CTSV: variants seen among roughly 807,000 people sequenced by gnomAD.
CTSV encodes cathepsin V.
Under a neutral mutation model 35.6 loss-of-function variants are expected in CTSV, and 33 were observed. That is an observed-to-expected ratio of 0.93 (90% CI 0.70 to 1.24). The LOEUF (loss-of-function observed/expected upper bound fraction) is 1.24. Ranked by LOEUF, CTSV falls within the 50% of genes most tolerant of loss-of-function variation. The pLI, the probability that CTSV is intolerant of heterozygous loss-of-function variation, is 0.00. For synonymous variants in CTSV, 154 were observed against 147.1 expected (o/e 1.05, Z -0.34); for missense variants, 408 against 413.1 (o/e 0.99, Z 0.11).
intron 5 of CTSV, 30 bp from the exon 6 acceptor site, chr9:97,035,723 T>C: frequency 7.2e-7 from 1 of 1,386,950 alleles, no homozygotes; most frequent in South Asian, 1.9e-5. Context: ...AGAGACTTGA[T>C]CACTACCATC....
upstream of CTSV, chr9:97,039,254 G>A (rs1371635134): frequency 6.6e-6 from 1 of 152,264 alleles, no homozygotes; most frequent in Non-Finnish European, 1.5e-5. Flanking sequence ...CGGGCGCTTA[G>A]AGCCCGCGCG....
rs1263191757 is a variant in CTSV, at chr9:97,030,923, A to G, written c.*2026T>C. 2.0e-5 allele frequency: 3 copies of G among 152,234 alleles called. No homozygotes were observed. The highest frequency in any genetic ancestry group is 4.4e-5 in the Non-Finnish European group (3 of 68,040). The allele number at this position is 152,234 out of a possible 1,614,324, so 9.4% of individuals were successfully genotyped here. On this transcript the variant is annotated 3_prime_UTR_variant, in exon 8 of 8. Coordinates refer to ENST00000259470, the MANE Select transcript of CTSV (RefSeq NM_001333.4). ...CAAATATTGGTTAAGTCTGTGCTTC[A>G]GACTAGATTTTTCAAGTCTACTGGC...
rs772849535 is a variant in CTSV, at chr9:97,038,057, G to T, written c.-10-4C>A. ...CGAAAGATTCATGTTTCAAAACCTA[G>T]AAAGAGAAAAGAAATGAGTATCTGA... On this transcript the variant is annotated splice_polypyrimidine_tract_variant and splice_region_variant and intron_variant, in intron 1 of 7. Coordinates refer to ENST00000259470, the MANE Select transcript of CTSV (RefSeq NM_001333.4). 7.4e-6 allele frequency: 12 copies of T among 1,611,928 alleles called. No individual in the cohort carries two copies. The highest frequency in any genetic ancestry group is 9.3e-6 in the Non-Finnish European group (11 of 1,178,506).
intron 7 of CTSV, among the ~76,000 whole-genome samples, chr9:97,033,792 C>T (rs1828799168): frequency 6.7e-6 from 1 of 150,032 alleles, no homozygotes; most frequent in African/African-American, 2.5e-5. Flanking sequence ...AGCAAGACTC[C>T]ATCTCAGAAT....
chr9:97,035,756 C>G, intron 5 of CTSV, 63 bp from the exon 6 acceptor site: 1 of 1,196,488 alleles, frequency 8.4e-7, no homozygotes. Context: ...AACATTAGTT[C>G]TAGAACCGAA....
At chr9:97,034,988 G>A in intron 6 of CTSV, 145 bp from the exon 7 acceptor site, 1 of 596,302 alleles carries the variant, frequency 1.7e-6, no homozygotes, top group Admixed American at 3.1e-5. Context: ...AACAATATTG[G>A]CCGGAAAACA....
intron 4 of CTSV, 25 bp from the exon 5 acceptor site, chr9:97,036,772 G>A: frequency 1.3e-6 from 2 of 1,548,426 alleles, no homozygotes; most frequent in Non-Finnish European, 1.7e-6. Flanking sequence ...AAAAAAAGCT[G>A]TAAATTTACA....
chr9:97,033,246 G>A (rs1828786514), intron 7 of CTSV, among the ~76,000 whole-genome samples, 198 bp from the exon 8 acceptor site: 1 of 152,118 alleles, frequency 6.6e-6, no homozygotes, highest in Non-Finnish European at 1.5e-5. Flanking sequence ...GGAGGCCGAG[G>A]TGGGCAGATC....
rs1442424410 is a variant in CTSV, at chr9:97,029,948, A to T, written c.*3001T>A. ...GTGTTGCACAGGTGCGTAGCTTAGG[A>T]GCAACAGGCTGTACCATATAGCCTA... On this transcript the variant is annotated 3_prime_UTR_variant, in exon 8 of 8. Transcript: ENST00000259470. 1 of 152,212 alleles carries T rather than the reference A, an allele frequency of 6.6e-6. No individual in the cohort carries two copies. The highest frequency in any genetic ancestry group is 1.5e-5 in the Non-Finnish European group (1 of 68,046). 9.4% of individuals were successfully genotyped at this position (152,212 alleles called of 1,614,324 possible). A position where few individuals can be genotyped will look rare whatever the true frequency, so the allele number is the denominator to read the frequency against.
At position 97,036,611 on chromosome 9, in the gene CTSV, C is replaced by G; in HGVS notation, c.533G>C (p.Cys178Ser). The change falls in exon 5 of 8, where the codon TGC becomes TCC. Residue 178 changes from cysteine (C) to serine (S), a missense_variant. Transcript: ENST00000259470. ...GGCCCTAGCCATGAAGCCACCATTGCAGCCCTGATTGCCTTGAGGACGCGA... is the reference window on the plus strand; with the variant it reads ...GGCCCTAGCCATGAAGCCACCATTGGAGCCCTGATTGCCTTGAGGACGCGA... ...DCSRPQGNQG[C>S]NGGFMARAFQ... The G allele has an allele frequency of 6.2e-7, 1 of 1,614,092 alleles. No homozygotes were observed. The highest frequency in any genetic ancestry group is 1.1e-5 in the South Asian group (1 of 91,082).
rs181258404 is a variant in CTSV, at chr9:97,033,390, C to A, written c.906-342G>T. Among the ~76,000 whole-genome samples the A allele has an allele frequency of 1.6e-3, 248 of 150,852 alleles. 1 individual carries two copies. Among genetic ancestry groups the A allele is most frequent in the African/African-American group, 5.8e-3 (238 of 40,998 alleles). The stretch of plus-strand genomic sequence containing the variant: ...TTGGGAGGCTGAGGCGGGTGGATCA[C>A]CTGAGGTTTCAGGAGTTTGAGACCA... On this transcript the variant is annotated intron_variant, in intron 7 of 7. Coordinates refer to ENST00000259470, the MANE Select transcript of CTSV (RefSeq NM_001333.4).
At chr9:97,037,459 C>T in intron 3 of CTSV, 34 bp downstream of exon 3, 1 of 1,613,800 alleles carries the variant, frequency 6.2e-7, no homozygotes, top group Non-Finnish European at 8.5e-7. Flanking sequence ...AACTGAGAAG[C>T]AGCACAGAGT....
chr9:97,034,653 T>A (rs1030173198), intron 7 of CTSV, 73 bp downstream of exon 7: 1 of 1,149,936 alleles, frequency 8.7e-7, no homozygotes. Flanking sequence ...AATTTTGAAA[T>A]TGAGCTTTTG....
At position 97,037,940 on chromosome 9, in the gene CTSV, G is replaced by A. The variant is rs1828884636; in HGVS notation, c.104C>T (p.Thr35Ile). The A allele has an allele frequency of 1.2e-6, 2 of 1,613,918 alleles. No homozygotes were observed. The highest frequency in any genetic ancestry group is 1.7e-6 in the Non-Finnish European group (2 of 1,180,006). ...LDTKWYQWKA[T>I]HRRLYGANEE... ...AACCGCGCCATATAATCTTCTGTGT[G>A]TTGCCTTCCACTGGTACCACTTTGT... is the stretch of plus-strand genomic sequence containing the variant. Residue 35 changes from threonine to isoleucine, a missense_variant, in exon 2 of 8, where the codon ACA becomes ATA. Coordinates refer to ENST00000259470, the MANE Select transcript of CTSV (RefSeq NM_001333.4).
Position 97,037,594 on chromosome 9 carries a change from C to G in CTSV, c.148G>C (p.Ala50Pro), listed in dbSNP as rs1296377760. Reference sequence around the variant, plus strand: ...ATTTTCATATTCTTTTCCCACACTGCTCTCCTCCATCCTTCTTCATTCTAG... The same window carrying G: ...ATTTTCATATTCTTTTCCCACACTGGTCTCCTCCATCCTTCTTCATTCTAG... ...YGANEEGWRR[A>P]VWEKNMKMIE... Residue 50 changes from alanine (A) to proline (P), a missense_variant, in exon 3 of 8, where the codon GCA becomes CCA. By Grantham distance (27) the Ala-to-Pro change is conservative. Transcript: ENST00000259470. The G allele has an allele frequency of 6.2e-7, 1 of 1,614,066 alleles. No homozygotes were observed. Among genetic ancestry groups the G allele is most frequent in the African/African-American group, 1.3e-5 (1 of 75,048 alleles).
chr9:97,039,585 C>G (rs1478838942), upstream of CTSV: 4 of 152,096 alleles, frequency 2.6e-5, no homozygotes, highest in Non-Finnish European at 4.4e-5. Context: ...GAAGAACGCA[C>G]AGCCCCCAGC....
intron 7 of CTSV, 92 bp downstream of exon 7, chr9:97,034,626 AGAAGAAAG>A: frequency 1.1e-6 from 1 of 879,876 alleles, no homozygotes; most frequent in Non-Finnish European, 1.9e-6. Context: ...CACTCTAAGT[AGAAGAAAG>A]ACTTTCGGAA....
Position 97,035,582 on chromosome 9 carries a change from G to T in CTSV, c.733C>A (p.Pro245Thr), listed in dbSNP as rs753926934. ...CCTGCATCCATAGCAACGGAGATGGGCCCCACAGTTGCGACTGCTTTCATC... is the reference window on the plus strand; with the variant it reads ...CCTGCATCCATAGCAACGGAGATGGTCCCCACAGTTGCGACTGCTTTCATC... Reference protein sequence around the residue: ...ALMKAVATVGPISVAMDAGHS... With the variant: ...ALMKAVATVGTISVAMDAGHS... The change falls in exon 6 of 8, where the codon CCC (proline) becomes ACC (threonine). Residue 245 changes from proline (P) to threonine (T), a missense_variant. Transcript: ENST00000259470. 2 of 1,600,122 alleles carry T rather than the reference G, an allele frequency of 1.2e-6. No homozygotes were observed. The highest frequency in any genetic ancestry group is 1.7e-6 in the Non-Finnish European group (2 of 1,171,850).
chr9:97,037,815 C>T (rs2119236601), intron 2 of CTSV, 103 bp downstream of exon 2: 1 of 1,483,506 alleles, frequency 6.7e-7, no homozygotes, highest in Non-Finnish European at 9.3e-7. Context: ...AGGTTATTGC[C>T]TGGTAAGGTC....
Sources: allele counts gnomAD v4.1 joint callset (sites outside exome capture counted in the v4.1 genomes callset), GRCh38; gene constraint gnomAD v4.1.1; transcripts MANE v1.5; gene names NCBI Gene and HGNC (gene_info 2026-07-23, HGNC 2026-07-21).